CSGALNACT2: variants seen among roughly 807,000 people sequenced by gnomAD.
The protein encoded by CSGALNACT2 is chondroitin sulfate N-acetylgalactosaminyltransferase 2, also known as beta 4 GalNAcT-2.
A neutral mutation model predicts 55.3 loss-of-function variants in CSGALNACT2; 35 were observed. The observed-to-expected ratio is 0.63, with a 90% CI of 0.48 to 0.84. The LOEUF is 0.84. Among genes scored for constraint, CSGALNACT2 ranks in the 40% least tolerant of loss-of-function variants. The pLI is 0.00. For missense variants in CSGALNACT2, 544 were observed against 657.5 expected (o/e 0.83, Z 1.89); for synonymous variants, 196 against 224.9 (o/e 0.87, Z 1.15).
At position 43,158,894 on chromosome 10, in the gene CSGALNACT2, A is replaced by G. The variant is rs1234138056; in HGVS notation, c.841A>G (p.Arg281Gly). The change falls in exon 3 of 8, where the codon AGA (arginine) becomes GGA (glycine). Residue 281 changes from arginine (R) to glycine (G), a missense_variant. By Grantham distance (125) the Arg-to-Gly change is moderately radical. This residue lies in a region of CSGALNACT2 where 374 missense variants were observed against 401.3 expected (regional missense o/e 0.93). Coordinates refer to ENST00000374466, the MANE Select transcript of CSGALNACT2 (RefSeq NM_018590.5). ...IINIIVPLAE[R>G]TEAFVQFMQN... ...TAATATCATTGTGCCACTTGCTGAA[A>G]GAACTGAAGCATTTGTACAATTTAT... 1 of 1,610,880 alleles carries G rather than the reference A, an allele frequency of 6.2e-7. No homozygotes were observed. Among genetic ancestry groups the G allele is most frequent in the Non-Finnish European group, 8.5e-7 (1 of 1,177,488 alleles).
rs3983257 is a variant in CSGALNACT2, at chr10:43,143,493, A to ATGTGTGTG, written c.-254+4963_-254+4970dup. Among the ~76,000 whole-genome samples the ATGTGTGTG allele has an allele frequency of 3.7e-3, 527 of 141,962 alleles. 2 individuals carry two copies. Among genetic ancestry groups the ATGTGTGTG allele is most frequent in the East Asian group, 4.6e-3 (22 of 4,792 alleles). The allele number at this position is 141,962 out of a possible 152,430, so 93.1% of individuals were successfully genotyped here. A position where few individuals can be genotyped will look rare whatever the true frequency, so the allele number is the denominator to read the frequency against. On this transcript the variant is annotated intron_variant, in intron 1 of 7. Transcript: ENST00000374466. Reference sequence around the variant, plus strand: ...TTTAAATCAAGTTTGCTCTCCAAAAATGTGTGTGTGTGTGTGTGTGTGTGT... The same window carrying ATGTGTGTG: ...TTTAAATCAAGTTTGCTCTCCAAAAATGTGTGTGTGTGTGTGTGTGTGTGTGTGTGTGT...
intron 1 of CSGALNACT2, among the ~76,000 whole-genome samples, chr10:43,149,803 C>T (rs1230287378): frequency 6.6e-6 from 1 of 152,248 alleles, no homozygotes; most frequent in East Asian, 1.9e-4. Context: ...TGTGGTGGCT[C>T]ACGCCTGTGA....
In CSGALNACT2 at chr10:43,155,759, G is replaced by C; in HGVS notation, c.610G>C (p.Glu204Gln). The C allele has an allele frequency of 6.2e-7, 1 of 1,613,818 alleles. No homozygotes were observed. Among genetic ancestry groups the C allele is most frequent in the Non-Finnish European group, 8.5e-7 (1 of 1,179,876 alleles). ...TGAAGATGATGAACAAGAAGATGAG[G>C]AGGGTCCCCTTGGAGAGAAACTGAT... is the stretch of plus-strand genomic sequence containing the variant. ...PDEDDEQEDE[E>Q]GPLGEKLIFN... Residue 204 changes from glutamate (E) to glutamine (Q), a missense_variant, in exon 2 of 8, where the codon GAG (glutamate) becomes CAG (glutamine). This residue lies in a region of CSGALNACT2 where 374 missense variants were observed against 401.3 expected (regional missense o/e 0.93). Transcript: ENST00000374466.
At position 43,140,030 on chromosome 10, in the gene CSGALNACT2, C is replaced by G. The variant is rs151263186; in HGVS notation, c.-254+1463C>G. Among the ~76,000 whole-genome samples the G allele has an allele frequency of 2.8e-3, 427 of 152,068 alleles. 1 individual carries two copies. Among genetic ancestry groups the G allele is most frequent in the African/African-American group, 9.6e-3 (397 of 41,472 alleles). On this transcript the variant is annotated intron_variant, in intron 1 of 7. Transcript: ENST00000374466. ...CAAACATGGTGAAACCGCATCTCTA[C>G]TAAAAATACAAAAATTAGCCAGGCG...
Position 43,154,904 on chromosome 10 carries a change from A to G in CSGALNACT2, c.-246A>G. 4.4e-6 allele frequency: 2 copies of G among 454,914 alleles called. No individual in the cohort carries two copies. The highest frequency in any genetic ancestry group is 3.9e-5 in the Admixed American group (1 of 25,670). 28.2% of individuals were successfully genotyped at this position (454,914 alleles called of 1,614,324 possible). A position where few individuals can be genotyped will look rare whatever the true frequency, so the allele number is the denominator to read the frequency against. On this transcript the variant is annotated 5_prime_UTR_variant, in exon 2 of 8. Transcript: ENST00000374466. ...CTGATCTGTGTCTTTCAGAAAAATC[A>G]CTACCAATATAATGGATTTTATATA...
At chr10:43,146,581 C>T (rs1198545731) in intron 1 of CSGALNACT2, among the ~76,000 whole-genome samples, 1 of 152,136 alleles carries the variant, frequency 6.6e-6, no homozygotes, top group Non-Finnish European at 1.5e-5. Flanking sequence ...TATTAGCCAT[C>T]CCACCAGGTG....
At position 43,155,296 on chromosome 10, in the gene CSGALNACT2, G is replaced by A. The variant is rs1315902132; in HGVS notation, c.147G>A (p.Gly49=). 6.2e-7 allele frequency: 1 copy of A among 1,614,014 alleles called. No homozygotes were observed. Among genetic ancestry groups the A allele is most frequent in the East Asian group, 2.2e-5 (1 of 44,872 alleles). The change falls in exon 2 of 8, where the codon GGG becomes GGA. Residue 49 remains glycine, a synonymous_variant. Transcript: ENST00000374466. ...ATGCATCTCTTCCTGGTGTTGTTGG[G>A]GAAAATTATGGTAAAGAGTATTATC... ...DGNASLPGVV[G]ENYGKEYYQA...
At chr10:43,150,359 A>C (rs1443627385) in intron 1 of CSGALNACT2, among the ~76,000 whole-genome samples, 1 of 152,206 alleles carries the variant, frequency 6.6e-6, no homozygotes, top group African/African-American at 2.4e-5. Flanking sequence ...GCTTTGTATA[A>C]ATCCATATTC....
intron 1 of CSGALNACT2, among the ~76,000 whole-genome samples, chr10:43,152,036 T>C (rs1838886180): frequency 2.0e-5 from 3 of 152,148 alleles, no homozygotes; most frequent in African/African-American, 7.2e-5. Flanking sequence ...TTTTAGAGAG[T>C]TAGAATTGAT....
chr10:43,155,769 T>G lies in CSGALNACT2; in HGVS notation c.620T>G (p.Leu207Arg). 6.2e-7 allele frequency: 1 copy of G among 1,612,220 alleles called. No homozygotes were observed. Among genetic ancestry groups the G allele is most frequent in the Non-Finnish European group, 8.5e-7 (1 of 1,179,242 alleles). Residue 207 changes from leucine (L) to arginine (R), a missense_variant, in exon 2 of 8, where the codon CTT becomes CGT. Leu to Arg is a moderately radical substitution (Grantham distance 102). This residue lies in a region of CSGALNACT2 where 374 missense variants were observed against 401.3 expected (regional missense o/e 0.93). Coordinates refer to ENST00000374466, the MANE Select transcript of CSGALNACT2 (RefSeq NM_018590.5). Reference protein sequence around the residue: ...DDEQEDEEGPLGEKLIFNEND... With the variant: ...DDEQEDEEGPRGEKLIFNEND... ...GAACAAGAAGATGAGGAGGGTCCCC[T>G]TGGAGAGAAACTGATATTTAATGAA... is the stretch of plus-strand genomic sequence containing the variant.
intron 1 of CSGALNACT2, among the ~76,000 whole-genome samples, chr10:43,149,166 T>C (rs1326910026): frequency 6.6e-6 from 1 of 151,910 alleles, no homozygotes; most frequent in African/African-American, 2.4e-5. Context: ...CACTGCAACC[T>C]CCGCCTCCCA....
At chr10:43,156,913 G>T (rs866517181) in intron 2 of CSGALNACT2, among the ~76,000 whole-genome samples, 1 of 152,184 alleles carries the variant, frequency 6.6e-6, no homozygotes, top group Non-Finnish European at 1.5e-5. Flanking sequence ...GGGACCCCTC[G>T]TATAGCACAT....
At chr10:43,161,966 C>A (rs960783852) in intron 4 of CSGALNACT2, among the ~76,000 whole-genome samples, 7 of 152,166 alleles carry the variant, frequency 4.6e-5, no homozygotes, top group Non-Finnish European at 8.8e-5. Context: ...TGTCAAGACA[C>A]TTCTGTGGCA....
chr10:43,166,389 C>T (rs1212322093), intron 5 of CSGALNACT2, among the ~76,000 whole-genome samples: 4 of 152,248 alleles, frequency 2.6e-5, no homozygotes, highest in East Asian at 1.9e-4. Context: ...GCAAGGGTTG[C>T]GTCTCCTGAG....
At chr10:43,172,914 G>A (rs532483445) in intron 6 of CSGALNACT2, among the ~76,000 whole-genome samples, 1 of 152,316 alleles carries the variant, frequency 6.6e-6, no homozygotes, top group East Asian at 1.9e-4. Context: ...GGGGGATAGT[G>A]GTTTCAGGCA....
intron 1 of CSGALNACT2, among the ~76,000 whole-genome samples, chr10:43,153,163 C>T (rs1330842813): frequency 2.6e-5 from 4 of 151,856 alleles, no homozygotes; most frequent in African/African-American, 4.8e-5. Context: ...GATGAAACCC[C>T]GTCTCTACTA....
At chr10:43,174,829 T>C (rs1410412246) in intron 6 of CSGALNACT2, among the ~76,000 whole-genome samples, 2 of 152,260 alleles carry the variant, frequency 1.3e-5, no homozygotes, top group Admixed American at 1.3e-4. Flanking sequence ...GCAGGGACTT[T>C]GTCACCTCTG....
chr10:43,166,500 C>A (rs1191295609), intron 5 of CSGALNACT2, among the ~76,000 whole-genome samples: 1 of 152,210 alleles, frequency 6.6e-6, no homozygotes, highest in Non-Finnish European at 1.5e-5. Context: ...GTAATTTTAA[C>A]CCTTGTCTTC....
rs1227338606 is a variant in CSGALNACT2, at chr10:43,183,798, T to C, written c.*256T>C. 1 of 484,036 alleles carries C rather than the reference T, an allele frequency of 2.1e-6. No individual in the cohort carries two copies. Among genetic ancestry groups the C allele is most frequent in the Non-Finnish European group, 3.8e-6 (1 of 265,802 alleles). The allele number at this position is 484,036 out of a possible 1,614,324, so 30.0% of individuals were successfully genotyped here. ...CTCATATTTGTCCCAAAAGTTGTTT[T>C]GAGTTAGTTCTACCTGGTGCCCATG... On this transcript the variant is annotated 3_prime_UTR_variant, in exon 8 of 8. Transcript: ENST00000374466.
Sources: gnomAD v4.1 joint callset for allele counts (sites outside exome capture counted in the v4.1 genomes callset) on GRCh38, gnomAD v4.1.1 for gene constraint, gnomAD v4.1.1 regional missense constraint, MANE v1.5 for transcripts, NCBI Gene and HGNC (gene_info 2026-07-23, HGNC 2026-07-21) for gene names.